The following CEP128 variants were observed in gnomAD, a reference collection of about 807,000 sequenced individuals.
CEP128 encodes centrosomal protein 128kDa.
In CEP128, 132 loss-of-function variants were observed where a neutral mutation model predicts 156.7. That is an observed-to-expected ratio of 0.84 (90% CI 0.73 to 0.97). The LOEUF is 0.97. CEP128 is among the 50% of genes least tolerant of loss of function. The pLI is 0.00. For missense variants in CEP128, 1,252 were observed against 1,281.9 expected (o/e 0.98, Z 0.36); for synonymous variants, 469 against 448.9 (o/e 1.04, Z -0.57).
In CEP128 at chr14:80,908,893, G is replaced by A. The variant is rs554603282; in HGVS notation, c.235-2812C>T. ...CTGGCTTCTGTCACCGTGAAGGCTGGTCTATTTTCAGTTTATCACTTCTCA... is the reference window on the plus strand; with the variant it reads ...CTGGCTTCTGTCACCGTGAAGGCTGATCTATTTTCAGTTTATCACTTCTCA... On this transcript the variant is annotated intron_variant, in intron 4 of 24. Coordinates refer to ENST00000555265, the MANE Select transcript of CEP128 (RefSeq NM_152446.5). 6.6e-5 allele frequency among the ~76,000 whole-genome samples: 10 copies of A among 152,280 alleles called. No homozygotes were observed. In the East Asian group the frequency reaches 1.4e-3, roughly 21 times the overall value.
intron 2 of CEP128, among the ~76,000 whole-genome samples, chr14:80,927,402 C>T (rs942354381): frequency 6.6e-6 from 1 of 152,214 alleles, no homozygotes; most frequent in Non-Finnish European, 1.5e-5. Flanking sequence ...ACAGCTGGGG[C>T]TCCTCCCACA....
In CEP128 at chr14:80,726,923, C is replaced by T. The variant is rs370276571; in HGVS notation, c.2806+16152G>A. Among the ~76,000 whole-genome samples the T allele has an allele frequency of 8.1e-4, 124 of 152,154 alleles. 4 individuals are homozygous for T. The South Asian group carries it at 0.022, about 27-fold the overall frequency. On this transcript the variant is annotated intron_variant, in intron 19 of 24. Coordinates refer to ENST00000555265, the MANE Select transcript of CEP128 (RefSeq NM_152446.5). ...AACTGGAAATTTTAAAAGGTGGTGG[C>T]AATTTCTAAGTGCTCCTGATAGAAA...
At chr14:80,545,581 A>C (rs963455178) in intron 21 of CEP128, among the ~76,000 whole-genome samples, 6 of 152,222 alleles carry the variant, frequency 3.9e-5, no homozygotes, top group African/African-American at 1.4e-4. Context: ...GACAAATTTT[A>C]ATGTTAACAA....
chr14:80,822,788 G>A (rs761028407), intron 13 of CEP128: 32 of 753,136 alleles, frequency 4.2e-5, no homozygotes, highest in Non-Finnish European at 6.9e-5. Flanking sequence ...TGCTGGAGAC[G>A]CCAAGTGAAG....
chr14:80,693,773 T>C (rs1022233261), intron 19 of CEP128, among the ~76,000 whole-genome samples: 7 of 152,188 alleles, frequency 4.6e-5, no homozygotes, highest in Admixed American at 3.9e-4. Flanking sequence ...AATAATGACG[T>C]TGTCTCTTAG....
intron 20 of CEP128, among the ~76,000 whole-genome samples, chr14:80,570,984 T>C (rs1891117139): frequency 1.3e-5 from 2 of 152,238 alleles, no homozygotes; most frequent in Admixed American, 1.3e-4. Context: ...AAGGGGCTAT[T>C]ATATTGTTGC....
chr14:80,573,123 C>T (rs558512911), intron 20 of CEP128, among the ~76,000 whole-genome samples: 5 of 149,924 alleles, frequency 3.3e-5, no homozygotes, highest in Admixed American at 1.3e-4. Context: ...CGGGGTTTCA[C>T]CATGTTGGTC....
intron 19 of CEP128, among the ~76,000 whole-genome samples, chr14:80,702,910 G>A (rs1036755389): frequency 2.0e-5 from 3 of 152,022 alleles, no homozygotes; most frequent in African/African-American, 7.2e-5. Context: ...AAATACCTAA[G>A]CATAGTAGGG....
At chr14:80,599,429 C>G (rs1292872922) in intron 19 of CEP128, among the ~76,000 whole-genome samples, 1 of 151,878 alleles carries the variant, frequency 6.6e-6, no homozygotes, top group Non-Finnish European at 1.5e-5. Context: ...CCCGCCACCA[C>G]GCCCGGCTAA....
intron 19 of CEP128, among the ~76,000 whole-genome samples, chr14:80,632,898 G>C: frequency 6.6e-6 from 1 of 152,066 alleles, no homozygotes; most frequent in Non-Finnish European, 1.5e-5. Context: ...TGAGTGAAAG[G>C]GCTATTGTTT....
At chr14:80,650,764 A>G (rs914198666) in intron 19 of CEP128, among the ~76,000 whole-genome samples, 1 of 152,164 alleles carries the variant, frequency 6.6e-6, no homozygotes, top group Non-Finnish European at 1.5e-5. Context: ...CCCAGGGATG[A>G]AGCCTGCTTG....
At chr14:80,729,056 G>GT (rs1898133887) in intron 19 of CEP128, among the ~76,000 whole-genome samples, 33 of 88,212 alleles carry the variant, frequency 3.7e-4, no homozygotes, top group African/African-American at 1.0e-3. Context: ...TGGGCTGGTG[G>GT]GGGTGTGTGT....
intron 13 of CEP128, among the ~76,000 whole-genome samples, chr14:80,815,022 C>T (rs542330455): frequency 2.0e-5 from 3 of 152,136 alleles, no homozygotes; most frequent in Non-Finnish European, 4.4e-5. Flanking sequence ...TGTGCCACTG[C>T]ACTCCAGCCT....
At chr14:80,831,363 C>G (rs1299555870) in intron 12 of CEP128, 69 bp from the exon 13 acceptor site, 1 of 1,470,186 alleles carries the variant, frequency 6.8e-7, no homozygotes, top group Non-Finnish European at 9.4e-7. Flanking sequence ...TCAAATAGTA[C>G]TGAGCCCTGA....
At position 80,867,957 on chromosome 14, in the gene CEP128, A is replaced by C. The variant is rs1595521528; in HGVS notation, c.646-5084T>G. On this transcript the variant is annotated intron_variant, in intron 8 of 24. Coordinates refer to ENST00000555265, the MANE Select transcript of CEP128 (RefSeq NM_152446.5). ...AAAACAAAGAGAAAATGCCGAAAGC[A>C]GCATGAGAGAAACAACTCATCACAT... Among the ~76,000 whole-genome samples the C allele has an allele frequency of 1.3e-5, 2 of 152,202 alleles. 1 individual carries two copies. Among genetic ancestry groups the C allele is most frequent in the South Asian group, 4.1e-4 (2 of 4,832 alleles).
chr14:80,848,447 G>T (rs1039774779), intron 9 of CEP128, among the ~76,000 whole-genome samples: 21 of 152,224 alleles, frequency 1.4e-4, no homozygotes, highest in African/African-American at 4.6e-4. Context: ...ATCACTTGAG[G>T]CCAGGAGTTT....
chr14:80,659,195 T>C (rs1450830330), intron 19 of CEP128, among the ~76,000 whole-genome samples: 1 of 152,258 alleles, frequency 6.6e-6, no homozygotes, highest in African/African-American at 2.4e-5. Context: ...AAATAGGTCA[T>C]AGTTCAGTTG....
chr14:80,835,598 A>G (rs1406413910), intron 12 of CEP128, among the ~76,000 whole-genome samples: 1 of 152,226 alleles, frequency 6.6e-6, no homozygotes, highest in Non-Finnish European at 1.5e-5. Flanking sequence ...CAATATTATC[A>G]TTATTAAACC....
intron 6 of CEP128, 82 bp from the exon 7 acceptor site, chr14:80,900,111 C>A: frequency 1.2e-6 from 1 of 842,008 alleles, no homozygotes; most frequent in South Asian, 1.8e-5. Flanking sequence ...AGAATAAGAT[C>A]TTGTTCCTTG....
Sources: allele counts gnomAD v4.1 joint callset (sites outside exome capture counted in the v4.1 genomes callset), GRCh38; gene constraint gnomAD v4.1.1; transcripts MANE v1.5; gene names NCBI Gene and HGNC (gene_info 2026-07-23, HGNC 2026-07-21).